Variants in TMEM266 observed in about 807,000 individuals in gnomAD.
TMEM266 encodes the protein Hv1 related protein 1.
A neutral mutation model predicts 50.5 loss-of-function variants in TMEM266; 33 were observed. The observed-to-expected ratio is 0.65, with a 90% CI of 0.50 to 0.87. TMEM266 has a LOEUF of 0.87. Among genes scored for constraint, TMEM266 ranks in the 40% least tolerant of loss-of-function variants. The pLI is 0.00. For synonymous variants in TMEM266, 310 were observed against 292.3 expected (o/e 1.06, Z -0.62); for missense variants, 655 against 695.1 (o/e 0.94, Z 0.65).
At chr15:76,157,638 G>T (rs2037946941) in intron 4 of TMEM266, among the ~76,000 whole-genome samples, 1 of 152,214 alleles carries the variant, frequency 6.6e-6, no homozygotes, top group African/African-American at 2.4e-5. Context: ...TTCTGGTACA[G>T]TTCCTGGTTC....
chr15:76,183,712 C>G lies in TMEM266; in HGVS notation c.768+8038C>G, dbSNP rs371773248. Among the ~76,000 whole-genome samples the G allele has an allele frequency of 1.1e-4, 17 of 152,288 alleles. 1 individual carries two copies. In the East Asian group the frequency reaches 2.1e-3, roughly 19 times the overall value. On this transcript the variant is annotated intron_variant, in intron 8 of 10. Coordinates refer to ENST00000388942, the MANE Select transcript of TMEM266 (RefSeq NM_152335.3). Reference sequence around the variant, plus strand: ...CTTTCCCCGGTTCCACCACAGCAGGCGGCACAGCCACACTTATCAAAGTCC... The same window carrying G: ...CTTTCCCCGGTTCCACCACAGCAGGGGGCACAGCCACACTTATCAAAGTCC...
intron 8 of TMEM266, among the ~76,000 whole-genome samples, chr15:76,186,418 CA>C (rs1318087397): frequency 1.3e-5 from 2 of 152,230 alleles, no homozygotes; most frequent in Non-Finnish European, 2.9e-5. Flanking sequence ...GTGACTGGGC[CA>C]ACAGCCATTT....
At chr15:76,166,947 G>A (rs1040535680) in intron 5 of TMEM266, among the ~76,000 whole-genome samples, 1 of 152,154 alleles carries the variant, frequency 6.6e-6, no homozygotes, top group Admixed American at 6.5e-5. Flanking sequence ...TGTGTTATGT[G>A]TATTTTACCA....
At chr15:76,201,395 CTTA>C (rs545210744) in intron 9 of TMEM266, among the ~76,000 whole-genome samples, 61 of 152,184 alleles carry the variant, frequency 4.0e-4, no homozygotes, top group African/African-American at 1.3e-3. Context: ...ACCAAGATTC[CTTA>C]TTATTTATTT....
Position 76,137,858 on chromosome 15 carries a change from C to T in TMEM266, c.190C>T (p.Leu64Phe), listed in dbSNP as rs374327200. 9.4e-6 allele frequency: 15 copies of T among 1,601,138 alleles called. No homozygotes were observed. Among genetic ancestry groups the T allele is most frequent in the Middle Eastern group, 3.3e-4 (2 of 6,004 alleles). ...CGATCTCTCCACGGCGGGCTCGCAG[C>T]TCCTGTCAAATCTGGACGAAGATTA... Residue 64 changes from leucine to phenylalanine, a missense_variant, in exon 3 of 11, where the codon CTC becomes TTC. By Grantham distance (22) the Leu-to-Phe change is conservative. Around this residue, in one of 3 missense-constraint regions of TMEM266, gnomAD observed 99 missense variants for 110.8 expected, o/e 0.89. Coordinates refer to ENST00000388942, the MANE Select transcript of TMEM266 (RefSeq NM_152335.3).
In TMEM266 at chr15:76,075,837, CTTTTTTTTTTTTTTTT is replaced by C. The variant is rs71140194; in HGVS notation, c.-97+15843_-97+15858del. ...CTGGAGGAGAATGAAGAGAAGGCAG[CTTTTTTTTTTTTTTTT>C]TTTTTTTTTTTTTTTTTTTTTGAGA... On this transcript the variant is annotated intron_variant, in intron 1 of 10. Transcript: ENST00000388942. Among the ~76,000 whole-genome samples, 194 of 23,590 alleles carry C rather than the reference CTTTTTTTTTTTTTTTT, an allele frequency of 8.2e-3. 1 individual carries two copies. Among genetic ancestry groups the C allele is most frequent in the East Asian group, 0.022 (19 of 852 alleles). The allele number at this position is 23,590 out of a possible 152,430, so 15.5% of individuals were successfully genotyped here.
chr15:76,111,974 G>T (rs1340279574), intron 1 of TMEM266: 3 of 152,248 alleles, frequency 2.0e-5, no homozygotes, highest in African/African-American at 7.2e-5. Context: ...ATCAAGCCAT[G>T]AAGTGATATA....
chr15:76,169,258 G>C (rs1161457413), intron 5 of TMEM266, among the ~76,000 whole-genome samples: 3 of 152,106 alleles, frequency 2.0e-5, no homozygotes, highest in Non-Finnish European at 2.9e-5. Context: ...ATGCAAGGAG[G>C]GCTGGGAAAT....
intron 8 of TMEM266, among the ~76,000 whole-genome samples, chr15:76,182,635 C>A (rs1430754145): frequency 6.6e-6 from 1 of 152,046 alleles, no homozygotes; most frequent in African/African-American, 2.4e-5. Context: ...CAGAGCGAGA[C>A]TCAGTCACAA....
At chr15:76,166,499 A>T (rs1596146965) in intron 5 of TMEM266, among the ~76,000 whole-genome samples, 1 of 152,146 alleles carries the variant, frequency 6.6e-6, no homozygotes, top group East Asian at 1.9e-4. Flanking sequence ...AGCGGCTGGG[A>T]TTCTAGCTGT....
chr15:76,159,980 C>A, intron 4 of TMEM266, 115 bp from the exon 5 acceptor site: 2 of 964,938 alleles, frequency 2.1e-6, no homozygotes, highest in Non-Finnish European at 3.2e-6. Flanking sequence ...CAGATCTAAA[C>A]GTTCATGCAG....
intron 7 of TMEM266, chr15:76,174,988 G>C (rs138055012): frequency 9.8e-4 from 150 of 152,934 alleles, no homozygotes; most frequent in Non-Finnish European, 1.7e-3. Context: ...GAATGCTCAT[G>C]TGCGAGTTTT....
intron 9 of TMEM266, among the ~76,000 whole-genome samples, chr15:76,193,179 A>G (rs1485186376): frequency 6.6e-6 from 1 of 152,196 alleles, no homozygotes; most frequent in Non-Finnish European, 1.5e-5. Flanking sequence ...GGTGTGAGAA[A>G]GCTCTGAGGG....
intron 5 of TMEM266, among the ~76,000 whole-genome samples, chr15:76,164,717 T>C (rs934012447): frequency 6.6e-6 from 1 of 152,222 alleles, no homozygotes; most frequent in Non-Finnish European, 1.5e-5. Flanking sequence ...CTGGTACCCA[T>C]GGTGGCTGTT....
chr15:76,194,127 C>T (rs2038622065), intron 9 of TMEM266, among the ~76,000 whole-genome samples: 1 of 152,372 alleles, frequency 6.6e-6, no homozygotes, highest in South Asian at 2.1e-4. Flanking sequence ...ACGTGCTCCC[C>T]ACACAGCTCA....
Position 76,204,432 on chromosome 15 carries a change from G to A in TMEM266, c.*117G>A, listed in dbSNP as rs1211707817. 2 of 995,198 alleles carry A rather than the reference G, an allele frequency of 2.0e-6. No individual in the cohort carries two copies. Among genetic ancestry groups the A allele is most frequent in the East Asian group, 5.1e-5 (2 of 39,208 alleles). 61.6% of individuals were successfully genotyped at this position (995,198 alleles called of 1,614,324 possible). ...CAGGAGCCCACCTGGCCTCCCTCAGGGTGCTGCCTGCCTCCAGGGAGGCGA... is the reference window on the plus strand; with the variant it reads ...CAGGAGCCCACCTGGCCTCCCTCAGAGTGCTGCCTGCCTCCAGGGAGGCGA... On this transcript the variant is annotated 3_prime_UTR_variant, in exon 11 of 11. Transcript: ENST00000388942.
chr15:76,109,885 C>T (rs1257315512), intron 1 of TMEM266, among the ~76,000 whole-genome samples: 1 of 152,068 alleles, frequency 6.6e-6, no homozygotes, highest in Non-Finnish European at 1.5e-5. Flanking sequence ...GTCTTGAACT[C>T]TTGGCCTCAA....
At chr15:76,121,499 C>A (rs1385342039) in intron 1 of TMEM266, among the ~76,000 whole-genome samples, 1 of 152,108 alleles carries the variant, frequency 6.6e-6, no homozygotes, top group East Asian at 1.9e-4. Context: ...TCACTGCAAC[C>A]TCTGCCTCCC....
chr15:76,169,769 T>C, intron 5 of TMEM266, 47 bp from the exon 6 acceptor site: 1 of 1,583,974 alleles, frequency 6.3e-7, no homozygotes, highest in East Asian at 2.2e-5. Flanking sequence ...TCTTCTCGGC[T>C]GGAGGAAGAC....
Sources: gnomAD v4.1 joint callset for allele counts (sites outside exome capture counted in the v4.1 genomes callset) on GRCh38, gnomAD v4.1.1 for gene constraint, gnomAD v4.1.1 regional missense constraint, MANE v1.5 for transcripts, NCBI Gene and HGNC (gene_info 2026-07-23, HGNC 2026-07-21) for gene names.